The following FNDC3B variants were observed in gnomAD, a reference collection of about 807,000 sequenced individuals.
FNDC3B encodes fibronectin type III domain containing 3B.
Under a neutral mutation model 151.5 loss-of-function variants are expected in FNDC3B, and 12 were observed. That is an observed-to-expected ratio of 0.08 (90% CI 0.05 to 0.13). FNDC3B has a LOEUF of 0.13. FNDC3B is among the 10% of genes least tolerant of loss of function. The probability of loss-of-function intolerance (pLI) is 1.00; values close to 1 mark genes in which losing one functional copy is unlikely to be tolerated. For missense variants in FNDC3B, 1,214 were observed against 1,505.3 expected, an observed-to-expected ratio of 0.81 and a Z score of 3.20; for synonymous variants, 528 against 549.0, an observed-to-expected ratio of 0.96 and a Z score of 0.54.
intron 7 of FNDC3B, among the ~76,000 whole-genome samples, chr3:172,293,485 A>G (rs960228833): frequency 1.3e-5 from 2 of 152,230 alleles, no homozygotes; most frequent in Non-Finnish European, 2.9e-5. Flanking sequence ...ACAAACATTT[A>G]CTAAGCAACC....
intron 2 of FNDC3B, among the ~76,000 whole-genome samples, chr3:172,128,127 ATG>A (rs1720896788): frequency 6.6e-6 from 1 of 152,086 alleles, no homozygotes; most frequent in Admixed American, 6.5e-5. Context: ...TTCACCTACA[ATG>A]TGTACCCTTG....
At chr3:172,159,879 A>C (rs1482819088) in intron 3 of FNDC3B, among the ~76,000 whole-genome samples, 1 of 152,232 alleles carries the variant, frequency 6.6e-6, no homozygotes, top group East Asian at 1.9e-4. Flanking sequence ...TTAAGATAAC[A>C]TAGATAGTAC....
At chr3:172,188,386 G>A (rs1724312977) in intron 3 of FNDC3B, among the ~76,000 whole-genome samples, 1 of 151,614 alleles carries the variant, frequency 6.6e-6, no homozygotes, top group South Asian at 2.1e-4. Context: ...TAGAGTGGTG[G>A]AACTGAAGTT....
intron 25 of FNDC3B, among the ~76,000 whole-genome samples, chr3:172,391,273 G>A (rs1275669068): frequency 6.6e-6 from 1 of 152,152 alleles, no homozygotes; most frequent in Non-Finnish European, 1.5e-5. Context: ...TATTCCTTTT[G>A]CAGAGCATTT....
intron 3 of FNDC3B, chr3:172,148,410 A>C (rs1415053300): frequency 1.3e-5 from 2 of 152,172 alleles, no homozygotes; most frequent in East Asian, 3.9e-4. Context: ...AGTTGGCTTC[A>C]TTTTGTAAAG....
intron 7 of FNDC3B, among the ~76,000 whole-genome samples, chr3:172,294,860 C>T (rs1164674487): frequency 6.6e-6 from 1 of 152,234 alleles, no homozygotes; most frequent in Non-Finnish European, 1.5e-5. Flanking sequence ...AACATCTCCA[C>T]ATCTATAATG....
chr3:172,293,415 A>G (rs1411752804), intron 7 of FNDC3B, among the ~76,000 whole-genome samples: 1 of 152,156 alleles, frequency 6.6e-6, no homozygotes, highest in African/African-American at 2.4e-5. Context: ...CAAGCCTACC[A>G]TCTTCTGATA....
intron 2 of FNDC3B, among the ~76,000 whole-genome samples, chr3:172,131,396 G>GAA (rs1236059229): frequency 1.0e-4 from 11 of 106,274 alleles, no homozygotes; most frequent in East Asian, 5.6e-4. Context: ...TCCGTCTCAA[G>GAA]AAAAAAAAAA....
chr3:172,201,872 G>A (rs1725174138), intron 3 of FNDC3B, among the ~76,000 whole-genome samples: 1 of 152,168 alleles, frequency 6.6e-6, no homozygotes, highest in South Asian at 2.1e-4. Flanking sequence ...CTTGGGATAT[G>A]CTGGTATGAA....
chr3:172,045,416 G>T (rs1182153544), intron 1 of FNDC3B, among the ~76,000 whole-genome samples: 1 of 152,158 alleles, frequency 6.6e-6, no homozygotes, highest in Non-Finnish European at 1.5e-5. Context: ...GGCTGTTTTT[G>T]AGGTGGCGGG....
rs1198615624 is a variant in FNDC3B, at chr3:172,399,724, T to G, written c.*2249T>G. ...CAGGTGTTTTGGGGAGAGGTATTTT[T>G]TAAGCAATGAAAATTCAACTGAGTA... On this transcript the variant is annotated 3_prime_UTR_variant, in exon 26 of 26. Coordinates refer to ENST00000415807, the MANE Select transcript of FNDC3B (RefSeq NM_022763.4). 1 of 152,668 alleles carries G rather than the reference T, an allele frequency of 6.6e-6. No individual in the cohort carries two copies. The highest frequency in any genetic ancestry group is 1.5e-5 in the Non-Finnish European group (1 of 68,038). The allele number at this position is 152,668 out of a possible 1,614,324, so 9.5% of individuals were successfully genotyped here.
chr3:172,041,620 C>CT (rs11386443), intron 1 of FNDC3B, among the ~76,000 whole-genome samples: 51,419 of 150,710 alleles, frequency 0.34, 9,526 homozygotes, highest in Non-Finnish European at 0.41. Flanking sequence ...TGGAATAACA[C>CT]TTTTTTTTTG....
At chr3:172,056,191 C>T (rs879409499) in intron 1 of FNDC3B, among the ~76,000 whole-genome samples, 1 of 151,778 alleles carries the variant, frequency 6.6e-6, no homozygotes, top group Non-Finnish European at 1.5e-5. Flanking sequence ...AGACGTCCTG[C>T]TTGGCAGACT....
At chr3:172,318,291 C>T (rs1731912454) in intron 11 of FNDC3B, among the ~76,000 whole-genome samples, 1 of 152,238 alleles carries the variant, frequency 6.6e-6, no homozygotes, top group Non-Finnish European at 1.5e-5. Flanking sequence ...CAGGCCAGGC[C>T]AGGCAGGCCC....
chr3:172,044,691 T>C (rs1716278972), intron 1 of FNDC3B, among the ~76,000 whole-genome samples: 2 of 152,196 alleles, frequency 1.3e-5, no homozygotes, highest in Non-Finnish European at 2.9e-5. Flanking sequence ...CACTGTACTA[T>C]TTTCAGGATA....
intron 3 of FNDC3B, among the ~76,000 whole-genome samples, chr3:172,195,737 C>A (rs1438687075): frequency 1.3e-5 from 2 of 152,156 alleles, no homozygotes; most frequent in African/African-American, 4.8e-5. Flanking sequence ...AGTCACAAGC[C>A]AGCCTGAGGA....
chr3:172,054,216 C>T (rs575603849), intron 1 of FNDC3B, among the ~76,000 whole-genome samples: 49 of 152,260 alleles, frequency 3.2e-4, no homozygotes, highest in African/African-American at 1.1e-3. Context: ...CCCAAGGCAG[C>T]CACAGGGATG....
rs367836815 is a variant in FNDC3B at position 172,307,344 on chromosome 3, G to C, written c.1062-19G>C. 1 of 1,613,954 alleles carries C rather than the reference G, an allele frequency of 6.2e-7. No individual in the cohort carries two copies. Among genetic ancestry groups the C allele is most frequent in the Non-Finnish European group, 8.5e-7 (1 of 1,179,824 alleles). ...CTATGATGAGTCACTGCCACTGACT[G>C]TGTCTGTTTTGTTTTCAGGGTGTAT... is the stretch of plus-strand genomic sequence containing the variant. On this transcript the variant is annotated intron_variant, in intron 9 of 25. Coordinates refer to ENST00000415807, the MANE Select transcript of FNDC3B (RefSeq NM_022763.4).
chr3:172,144,681 T>C (rs903774404), intron 3 of FNDC3B, among the ~76,000 whole-genome samples: 1 of 151,494 alleles, frequency 6.6e-6, no homozygotes, highest in African/African-American at 2.4e-5. Flanking sequence ...ACATTAAGAG[T>C]AACAAATATG....
Sources: allele counts gnomAD v4.1 joint callset (sites outside exome capture counted in the v4.1 genomes callset), GRCh38; gene constraint gnomAD v4.1.1; transcripts MANE v1.5; gene names NCBI Gene and HGNC (gene_info 2026-07-23, HGNC 2026-07-21).